The following CROCC2 variants were observed in gnomAD, a reference collection of about 807,000 sequenced individuals.
The protein encoded by CROCC2 is ciliary rootlet coiled-coil, rootletin family member 2, also known as ciliary rootlet coiled-coil protein 2.
In CROCC2, 163 loss-of-function variants were observed where a neutral mutation model predicts 177.6. The ratio of observed to expected loss-of-function variants is 0.92; its 90% confidence interval spans 0.81 to 1.05. The LOEUF (loss-of-function observed/expected upper bound fraction) is 1.05, where lower values mean the gene tolerates loss of function less well. Among genes scored for constraint, CROCC2 ranks in the 50% least tolerant of loss-of-function variants. CROCC2 has a pLI of 0.00. For missense variants in CROCC2, 1,929 were observed against 1,797.8 expected (o/e 1.07, Z -1.32); for synonymous variants, 904 against 787.3 (o/e 1.15, Z -2.48).
At position 240,932,800 on chromosome 2, in the gene CROCC2, A is replaced by T; in HGVS notation, c.1143A>T (p.Thr381=). ...CACTGAGGAGCCCCCAACGTGCCAC[A>T]TCCCCCCATCAAGGGGCGTCCCCAC... The part of the protein sequence containing the change: ...RRPLRSPQRA[T]SPHQGASPPH... Residue 381 remains threonine, a synonymous_variant, in exon 9 of 32, where the codon ACA becomes ACT. Coordinates refer to ENST00000690015, the MANE Select transcript of CROCC2 (RefSeq NM_001351305.2). The T allele has an allele frequency of 1.3e-6, 2 of 1,498,466 alleles. No individual in the cohort carries two copies. The highest frequency in any genetic ancestry group is 1.8e-6 in the Non-Finnish European group (2 of 1,101,896). The allele number at this position is 1,498,466 out of a possible 1,614,324, so 92.8% of individuals were successfully genotyped here.
chr2:240,913,202 A>G (rs1285487973), intron 1 of CROCC2, among the ~76,000 whole-genome samples: 1 of 150,706 alleles, frequency 6.6e-6, no homozygotes, highest in Non-Finnish European at 1.5e-5. Flanking sequence ...TGCCTCACTC[A>G]CCCCCATCCC....
At chr2:240,947,651 A>G (rs1192124883) in intron 15 of CROCC2, among the ~76,000 whole-genome samples, 2 of 152,160 alleles carry the variant, frequency 1.3e-5, no homozygotes, top group Non-Finnish European at 2.9e-5. Flanking sequence ...TAAGTGTGGG[A>G]AACCGTGCTG....
intron 27 of CROCC2, among the ~76,000 whole-genome samples, chr2:240,977,074 G>T (rs1308912121): frequency 2.3e-4 from 10 of 43,582 alleles, no homozygotes; most frequent in African/African-American, 5.0e-4. Context: ...AGCCTCAGGA[G>T]CCCAGGCTCA....
chr2:240,978,306 C>T (rs2059778540), intron 27 of CROCC2, among the ~76,000 whole-genome samples: 1 of 51,546 alleles, frequency 1.9e-5, no homozygotes, highest in Non-Finnish European at 3.2e-5. Context: ...CTCACCCCTC[C>T]TCAGTCTCTG....
rs773977028 is a variant in CROCC2 at position 240,934,433 on chromosome 2, C to T, written c.1749C>T (p.Val583=). 4 of 1,548,562 alleles carry T rather than the reference C, an allele frequency of 2.6e-6. No individual in the cohort carries two copies. Among genetic ancestry groups the T allele is most frequent in the South Asian group, 1.2e-5 (1 of 83,980 alleles). ...GCACAGCACAGCTGCAGCGGGATGT[C>T]GTGGAGAGTGAGAGGGAGGGACTGC... The part of the protein sequence containing the change: ...ALSTAQLQRD[V]VESEREGLRS... The change falls in exon 12 of 32, where the codon GTC becomes GTT. Residue 583 remains valine (V), a synonymous_variant. Transcript: ENST00000690015.
At chr2:240,910,289 T>C (rs1231516879) in intron 1 of CROCC2, among the ~76,000 whole-genome samples, 2 of 144,382 alleles carry the variant, frequency 1.4e-5, no homozygotes. Context: ...GACCCGCAGC[T>C]GATGGAGAAG....
intron 28 of CROCC2, chr2:240,983,475 C>A: frequency 8.0e-7 from 1 of 1,242,832 alleles, no homozygotes; most frequent in Non-Finnish European, 1.0e-6. Flanking sequence ...GCGGCCGAGG[C>A]GCAGGCGGAG....
chr2:240,991,129 C>G, intron 30 of CROCC2, 67 bp from the exon 31 acceptor site: 1 of 1,243,260 alleles, frequency 8.0e-7, no homozygotes, highest in Non-Finnish European at 1.1e-6. Context: ...GCCCTCCATG[C>G]CTCTATGCCC....
At chr2:240,959,504 GT>G in intron 20 of CROCC2, 60 bp downstream of exon 20, 1 of 1,524,668 alleles carries the variant, frequency 6.6e-7, no homozygotes, top group East Asian at 2.5e-5. Context: ...AGCAGGGCAG[GT>G]ACCAAGAGAG....
At position 240,963,552 on chromosome 2, in the gene CROCC2, C is replaced by A; in HGVS notation, c.3088-4C>A. On this transcript the variant is annotated splice_polypyrimidine_tract_variant and splice_region_variant and intron_variant, in intron 20 of 31. Transcript: ENST00000690015. The stretch of plus-strand genomic sequence containing the variant: ...GGCCTCTAGAGCTGAATGGTCCTCC[C>A]CAGGCTGAGAGGCTGCGGGCACAGC... 6.5e-7 allele frequency: 1 copy of A among 1,538,468 alleles called. No individual in the cohort carries two copies.
intron 3 of CROCC2, among the ~76,000 whole-genome samples, chr2:240,920,842 T>A (rs1309341456): frequency 6.6e-6 from 1 of 152,208 alleles, no homozygotes; most frequent in Non-Finnish European, 1.5e-5. Flanking sequence ...GCCTCTCTCC[T>A]ATGTCAGCCG....
At chr2:240,983,368 G>C (rs567511754) in intron 28 of CROCC2, 2 of 1,294,732 alleles carry the variant, frequency 1.5e-6, no homozygotes, top group Non-Finnish European at 2.0e-6. Context: ...GAACGACCCC[G>C]CTCTCAGAAA....
intron 29 of CROCC2, among the ~76,000 whole-genome samples, chr2:240,989,316 A>C (rs1438108439): frequency 2.0e-5 from 3 of 152,164 alleles, no homozygotes; most frequent in African/African-American, 7.2e-5. Flanking sequence ...CTCAGAAACC[A>C]GCAGGGGATG....
chr2:240,964,056 G>A (rs557213898), intron 21 of CROCC2: 84 of 569,998 alleles, frequency 1.5e-4, no homozygotes, highest in Non-Finnish European at 2.4e-4. Context: ...CCAGGAGGTG[G>A]TGCAGAGCTG....
chr2:240,963,586 G>A lies in CROCC2; in HGVS notation c.3118G>A (p.Ala1040Thr). Residue 1040 changes from alanine to threonine, a missense_variant, in exon 21 of 32, where the codon GCC becomes ACC. Around this residue, in one of 3 missense-constraint regions of CROCC2, gnomAD observed 1,397 missense variants for 1,239.9 expected, o/e 1.13. Coordinates refer to ENST00000690015, the MANE Select transcript of CROCC2 (RefSeq NM_001351305.2). ...GAGGCTGCGGGCACAGCTGACCGTG[G>A]CCCAGGAGGGACTGGCCGCACTGCG... is the stretch of plus-strand genomic sequence containing the variant. ...AERLRAQLTV[A>T]QEGLAALRQE... 1 of 1,546,658 alleles carries A rather than the reference G, an allele frequency of 6.5e-7. No homozygotes were observed. The highest frequency in any genetic ancestry group is 8.7e-7 in the Non-Finnish European group (1 of 1,145,488).
chr2:240,991,428 G>T, intron 31 of CROCC2, 150 bp downstream of exon 31: 1 of 667,864 alleles, frequency 1.5e-6, no homozygotes, highest in Non-Finnish European at 2.4e-6. Context: ...GCACAAGAGG[G>T]ACAAAGCTCA....
chr2:240,976,620 A>T (rs12618504), intron 27 of CROCC2, among the ~76,000 whole-genome samples: 19,726 of 63,114 alleles, frequency 0.31, 1,724 homozygotes, highest in East Asian at 0.51. Flanking sequence ...TAGGAGCCTC[A>T]GGAGCCCAGG....
At chr2:240,984,649 CA>C (rs1328016178) in intron 28 of CROCC2, among the ~76,000 whole-genome samples, 1 of 48,746 alleles carries the variant, frequency 2.1e-5, no homozygotes, top group Non-Finnish European at 4.2e-5. Context: ...ACTCACTCCA[CA>C]CACACACACC....
rs1235512420 is a variant in CROCC2, at chr2:240,963,554, A to G, written c.3088-2A>G. ...CCTCTAGAGCTGAATGGTCCTCCCC[A>G]GGCTGAGAGGCTGCGGGCACAGCTG... On this transcript the variant is annotated splice_acceptor_variant, in intron 20 of 31. Transcript: ENST00000690015. LOFTEE classifies it high-confidence loss of function. 5 of 1,539,296 alleles carry G rather than the reference A, an allele frequency of 3.2e-6. No homozygotes were observed. Among genetic ancestry groups the G allele is most frequent in the African/African-American group, 1.4e-5 (1 of 72,850 alleles).
Sources: allele counts gnomAD v4.1 joint callset (sites outside exome capture counted in the v4.1 genomes callset), GRCh38; gene constraint gnomAD v4.1.1; regional missense constraint gnomAD v4.1.1; transcripts MANE v1.5; gene names NCBI Gene and HGNC (gene_info 2026-07-23, HGNC 2026-07-21).